The following PPP1R1C variants were observed in gnomAD, a reference collection of about 807,000 sequenced individuals.
PPP1R1C encodes protein phosphatase 1 regulatory inhibitor subunit 1C, also known as protein phosphatase 1 regulatory subunit 1C.
PPP1R1C carries 15 observed loss-of-function variants against 17.4 expected under a neutral mutation model. That is an observed-to-expected ratio of 0.86 (90% CI 0.58 to 1.33). The LOEUF is 1.33. Among genes scored for constraint, PPP1R1C ranks in the 40% most tolerant of loss-of-function variants. The pLI, the probability that PPP1R1C is intolerant of heterozygous loss-of-function variation, is 0.00. For synonymous variants in PPP1R1C, 35 were observed against 43.1 expected, an observed-to-expected ratio of 0.81 and a Z score of 0.73; for missense variants, 143 against 130.0, an observed-to-expected ratio of 1.10 and a Z score of -0.48.
At chr2:182,099,178 A>G (rs1440784969) in intron 4 of PPP1R1C, among the ~76,000 whole-genome samples, 1 of 152,172 alleles carries the variant, frequency 6.6e-6, no homozygotes, top group Admixed American at 6.5e-5. Context: ...ATCATGGGCA[A>G]CTCATGTAAT....
chr2:182,037,580 C>A, intron 2 of PPP1R1C, among the ~76,000 whole-genome samples: 1 of 138,520 alleles, frequency 7.2e-6, no homozygotes. Flanking sequence ...AGCAAGAATC[C>A]ATCTCAAAAA....
At chr2:181,975,556 A>C (rs561287282) in intron 2 of PPP1R1C, among the ~76,000 whole-genome samples, 1 of 152,138 alleles carries the variant, frequency 6.6e-6, no homozygotes, top group South Asian at 2.1e-4. Flanking sequence ...CCATAGCTTA[A>C]AGAAAGAATT....
At chr2:181,979,388 CT>C (rs544982336) in intron 2 of PPP1R1C, among the ~76,000 whole-genome samples, 1 of 152,156 alleles carries the variant, frequency 6.6e-6, no homozygotes, top group South Asian at 2.1e-4. Context: ...TTATTTGAGG[CT>C]TTTTTTCATT....
intron 2 of PPP1R1C, among the ~76,000 whole-genome samples, chr2:181,977,127 C>T (rs1028559082): frequency 6.1e-5 from 3 of 49,264 alleles, no homozygotes; most frequent in South Asian, 7.5e-4. Context: ...GAGTGAGAAT[C>T]TATCTAAAAA....
At chr2:181,993,497 G>T (rs755176152) in intron 2 of PPP1R1C, among the ~76,000 whole-genome samples, 1 of 152,022 alleles carries the variant, frequency 6.6e-6, no homozygotes, top group Non-Finnish European at 1.5e-5. Context: ...ATTTTAAATG[G>T]TCTCATTTGA....
At chr2:182,035,160 G>A (rs539862681) in intron 2 of PPP1R1C, among the ~76,000 whole-genome samples, 53 of 152,222 alleles carry the variant, frequency 3.5e-4, no homozygotes, top group South Asian at 6.2e-4. Flanking sequence ...GCTCTTCATC[G>A]CCACATCACC....
chr2:181,996,674 C>G (rs1161566920), intron 2 of PPP1R1C, among the ~76,000 whole-genome samples: 3 of 152,140 alleles, frequency 2.0e-5, no homozygotes, highest in African/African-American at 7.2e-5. Flanking sequence ...ACTGTGCAAA[C>G]TAAAAAGCTA....
chr2:182,061,841 C>T (rs902757373), intron 3 of PPP1R1C, among the ~76,000 whole-genome samples: 2 of 152,042 alleles, frequency 1.3e-5, no homozygotes, highest in Non-Finnish European at 2.9e-5. Flanking sequence ...ACACCTCTTA[C>T]AGGGTCTTCT....
intron 4 of PPP1R1C, among the ~76,000 whole-genome samples, chr2:182,066,972 G>GTT (rs1688003538): frequency 6.8e-6 from 1 of 147,922 alleles, no homozygotes; most frequent in Non-Finnish European, 1.5e-5. Context: ...GTGTGTTTGT[G>GTT]TGTGTGTGTG....
At chr2:182,033,612 C>T (rs1472088800) in intron 2 of PPP1R1C, among the ~76,000 whole-genome samples, 3 of 152,128 alleles carry the variant, frequency 2.0e-5, no homozygotes, top group African/African-American at 7.2e-5. Context: ...TAACTCAGGT[C>T]CTTATCATCT....
intron 4 of PPP1R1C, among the ~76,000 whole-genome samples, chr2:182,104,291 A>G (rs953097982): frequency 6.6e-6 from 1 of 152,202 alleles, no homozygotes; most frequent in Non-Finnish European, 1.5e-5. Flanking sequence ...CTGGTCTTCC[A>G]TTGAGTATGA....
rs150826017 is a variant in PPP1R1C at position 182,096,415 on chromosome 2, G to T, written c.242-20792G>T. 4.6e-5 allele frequency among the ~76,000 whole-genome samples: 7 copies of T among 152,106 alleles called. No homozygotes were observed. In the East Asian group the frequency reaches 1.4e-3, roughly 29 times the overall value. On this transcript the variant is annotated intron_variant, in intron 4 of 4. Transcript: ENST00000682840. ...CTGTGGATTTCTGATTCGTTAAGGT[G>T]CCATCTTTTGGGGTATTGTATTCTG...
chr2:182,073,252 C>A (rs1559081652), intron 4 of PPP1R1C, among the ~76,000 whole-genome samples: 1 of 152,220 alleles, frequency 6.6e-6, no homozygotes, highest in South Asian at 2.1e-4. Context: ...GACTGCGGAG[C>A]CCTTGAGGGC....
downstream of PPP1R1C, among the ~76,000 whole-genome samples, chr2:182,119,889 G>C (rs2125239540): frequency 6.6e-6 from 1 of 152,238 alleles, no homozygotes; most frequent in Non-Finnish European, 1.5e-5. Flanking sequence ...TTCTTTCGCT[G>C]TGCAGAAGGT....
intron 2 of PPP1R1C, among the ~76,000 whole-genome samples, chr2:182,021,660 C>T (rs1478970781): frequency 6.6e-6 from 1 of 152,064 alleles, no homozygotes; most frequent in Non-Finnish European, 1.5e-5. Flanking sequence ...TTTTAGATTC[C>T]TTAATATAAG....
intron 2 of PPP1R1C, among the ~76,000 whole-genome samples, chr2:182,022,572 G>A (rs1686459720): frequency 6.6e-6 from 1 of 152,112 alleles, no homozygotes; most frequent in Admixed American, 6.6e-5. Context: ...AAATAATTCT[G>A]TGAATTTTTA....
At chr2:182,058,848 C>T (rs79743053) in intron 2 of PPP1R1C, among the ~76,000 whole-genome samples, 3,785 of 152,146 alleles carry the variant, frequency 0.025, 323 homozygotes, top group Admixed American at 0.17. Flanking sequence ...TTTTATAGTT[C>T]TCATTCTATT....
intron 2 of PPP1R1C, among the ~76,000 whole-genome samples, chr2:182,003,261 A>G (rs1252253331): frequency 1.3e-5 from 2 of 152,170 alleles, no homozygotes; most frequent in Non-Finnish European, 2.9e-5. Context: ...CATTGCTCCT[A>G]CAACTATAAC....
At chr2:182,093,220 A>G (rs1278234097) in intron 4 of PPP1R1C, among the ~76,000 whole-genome samples, 1 of 152,082 alleles carries the variant, frequency 6.6e-6, no homozygotes, top group Non-Finnish European at 1.5e-5. Context: ...TGGGGCTTCC[A>G]CCCTCTGAAG....
Sources: allele counts gnomAD v4.1 joint callset (sites outside exome capture counted in the v4.1 genomes callset), GRCh38; gene constraint gnomAD v4.1.1; transcripts MANE v1.5; gene names NCBI Gene and HGNC (gene_info 2026-07-23, HGNC 2026-07-21).